Variants in GABRB2 observed in about 807,000 individuals in gnomAD.
GABRB2 encodes gamma-aminobutyric acid type A receptor subunit beta2, also known as gamma-aminobutyric acid receptor subunit beta-2.
GABRB2 carries 16 observed loss-of-function variants against 54.7 expected under a neutral mutation model. The observed-to-expected ratio is 0.29, with a 90% CI of 0.20 to 0.44. GABRB2 has a LOEUF of 0.44. Among genes scored for constraint, GABRB2 ranks in the 20% least tolerant of loss-of-function variants. GABRB2 has a pLI of 1.00. For synonymous variants in GABRB2, 244 were observed against 233.8 expected, an observed-to-expected ratio of 1.04 and a Z score of -0.40; for missense variants, 355 against 644.0, an observed-to-expected ratio of 0.55 and a Z score of 4.86.
chr5:161,391,385 C>T (rs957718390), intron 5 of GABRB2, among the ~76,000 whole-genome samples: 2 of 152,176 alleles, frequency 1.3e-5, no homozygotes, highest in South Asian at 2.1e-4. Flanking sequence ...TTTAAACAAT[C>T]TGTGATATCA....
chr5:161,296,383 A>T (rs1208140881), intron 9 of GABRB2, among the ~76,000 whole-genome samples: 3 of 152,142 alleles, frequency 2.0e-5, no homozygotes, highest in Non-Finnish European at 2.9e-5. Context: ...TTCTTTAACC[A>T]CCAGGATATT....
At chr5:161,379,558 AT>A (rs1755405951) in intron 5 of GABRB2, among the ~76,000 whole-genome samples, 2 of 152,312 alleles carry the variant, frequency 1.3e-5, no homozygotes, top group South Asian at 2.1e-4. Context: ...ACATTCTCAA[AT>A]TTCATTCCAT....
intron 5 of GABRB2, among the ~76,000 whole-genome samples, chr5:161,394,981 A>G (rs1414556907): frequency 2.0e-5 from 3 of 152,152 alleles, no homozygotes; most frequent in Non-Finnish European, 4.4e-5. Flanking sequence ...CACATCTAAC[A>G]TCATGTAAAA....
At chr5:161,455,301 G>C (rs1273721588) in intron 4 of GABRB2, among the ~76,000 whole-genome samples, 1 of 152,072 alleles carries the variant, frequency 6.6e-6, no homozygotes, top group African/African-American at 2.4e-5. Flanking sequence ...GATCAGCCTG[G>C]CTATCCGTGA....
intron 5 of GABRB2, among the ~76,000 whole-genome samples, chr5:161,373,980 G>A (rs1755209199): frequency 6.6e-6 from 1 of 152,060 alleles, no homozygotes; most frequent in South Asian, 2.1e-4. Context: ...TTTTGCTCGT[G>A]TTGCCCAGGC....
intron 5 of GABRB2, among the ~76,000 whole-genome samples, chr5:161,384,343 C>T (rs1433171070): frequency 3.9e-5 from 6 of 152,012 alleles, no homozygotes; most frequent in African/African-American, 7.2e-5. Flanking sequence ...TAGATGAGTG[C>T]CTGGATTTTT....
chr5:161,369,690 TTC>T (rs1755076742), intron 5 of GABRB2, among the ~76,000 whole-genome samples: 1 of 152,272 alleles, frequency 6.6e-6, no homozygotes, highest in South Asian at 2.1e-4. Flanking sequence ...TTTGCCAAAC[TTC>T]ACATGGAATT....
At chr5:161,374,187 G>C (rs547310754) in intron 5 of GABRB2, among the ~76,000 whole-genome samples, 1 of 151,962 alleles carries the variant, frequency 6.6e-6, no homozygotes, top group African/African-American at 2.4e-5. Flanking sequence ...CAGATGATCC[G>C]TTGGCCTCGG....
At chr5:161,426,033 T>C (rs1756987979) in intron 4 of GABRB2, among the ~76,000 whole-genome samples, 2 of 152,196 alleles carry the variant, frequency 1.3e-5, no homozygotes, top group Admixed American at 6.6e-5. Context: ...TAAAGAAGCG[T>C]ACACAAGGAT....
At chr5:161,450,975 G>T (rs1045146791) in intron 4 of GABRB2, among the ~76,000 whole-genome samples, 6 of 151,838 alleles carry the variant, frequency 4.0e-5, no homozygotes, top group African/African-American at 1.5e-4. Flanking sequence ...CTTTTGTTCT[G>T]CTTGACAAAA....
intron 3 of GABRB2, among the ~76,000 whole-genome samples, chr5:161,495,878 G>A (rs1309564889): frequency 2.0e-5 from 3 of 152,094 alleles, no homozygotes; most frequent in African/African-American, 7.2e-5. Context: ...AAGCAGATAA[G>A]CTGGCATGCT....
At chr5:161,453,049 A>C (rs564650246) in intron 4 of GABRB2, among the ~76,000 whole-genome samples, 1 of 152,324 alleles carries the variant, frequency 6.6e-6, no homozygotes, top group African/African-American at 2.4e-5. Context: ...AACTATTCTG[A>C]AAATGATCTA....
intron 9 of GABRB2, among the ~76,000 whole-genome samples, chr5:161,306,079 C>T (rs1467216698): frequency 2.0e-5 from 3 of 152,238 alleles, no homozygotes; most frequent in South Asian, 2.1e-4. Flanking sequence ...CTTCCCAGGT[C>T]GTTGGAGGAC....
intron 9 of GABRB2, among the ~76,000 whole-genome samples, chr5:161,319,413 A>T (rs963832963): frequency 1.4e-5 from 2 of 147,558 alleles, no homozygotes; most frequent in African/African-American, 4.9e-5. Flanking sequence ...TATATTATAT[A>T]TATTTTATAT....
rs904034087 is a variant in GABRB2, at chr5:161,491,821, T to C, written c.238-31977A>G. ...TGAATTGCAAACACACTGCATTCTG[T>C]CTACAAAGGAGCATCTGTTTTATCT... On this transcript the variant is annotated intron_variant, in intron 3 of 9. Transcript: ENST00000393959. 2.0e-5 allele frequency among the ~76,000 whole-genome samples: 3 copies of C among 151,692 alleles called. 1 individual carries two copies. The highest frequency in any genetic ancestry group is 2.0e-4 in the Admixed American group (3 of 15,190).
intron 4 of GABRB2, among the ~76,000 whole-genome samples, chr5:161,422,885 A>T (rs1756888224): frequency 6.6e-6 from 1 of 152,192 alleles, no homozygotes; most frequent in Non-Finnish European, 1.5e-5. Flanking sequence ...ATTTAATTAC[A>T]GGTTTTCAAA....
chr5:161,529,121 A>G (rs941583967), intron 3 of GABRB2, among the ~76,000 whole-genome samples: 1 of 152,018 alleles, frequency 6.6e-6, no homozygotes, highest in African/African-American at 2.4e-5. Context: ...CCAGTAATGA[A>G]AGATGATTTA....
intron 4 of GABRB2, among the ~76,000 whole-genome samples, chr5:161,442,840 C>A (rs1265850167): frequency 6.6e-6 from 1 of 151,988 alleles, no homozygotes; most frequent in African/African-American, 2.4e-5. Flanking sequence ...ATGGTGCTAC[C>A]CAAAGACATC....
At position 161,438,877 on chromosome 5, in the gene GABRB2, G is replaced by A. The variant is rs540446980; in HGVS notation, c.458+20747C>T. ...CAGAGGGGACAAAAGAAAAAAGAAC[G>A]GAACACACTGACATATGCCTACAGG... On this transcript the variant is annotated intron_variant, in intron 4 of 9. Transcript: ENST00000393959. Among the ~76,000 whole-genome samples, 137 of 152,024 alleles carry A rather than the reference G, an allele frequency of 9.0e-4. 1 individual carries two copies. Among genetic ancestry groups the A allele is most frequent in the African/African-American group, 3.2e-3 (131 of 41,514 alleles).
Sources: allele counts gnomAD v4.1 joint callset (sites outside exome capture counted in the v4.1 genomes callset), GRCh38; gene constraint gnomAD v4.1.1; transcripts MANE v1.5; gene names NCBI Gene and HGNC (gene_info 2026-07-23, HGNC 2026-07-21).